CSMD1: variants seen among roughly 807,000 people sequenced by gnomAD.
CSMD1 encodes CUB and Sushi multiple domains 1.
In CSMD1, 213 loss-of-function variants were observed where a neutral mutation model predicts 417.5. The observed-to-expected ratio is 0.51, with a 90% CI of 0.46 to 0.57. The LOEUF (loss-of-function observed/expected upper bound fraction) is 0.57, where lower values mean the gene tolerates loss of function less well. Ranked by LOEUF, CSMD1 falls within the 20% of genes least tolerant of loss-of-function variation. CSMD1 has a pLI of 0.00. For missense variants in CSMD1, 6,923 were observed against 4,529.7 expected (o/e 1.53, Z -15.17); for synonymous variants, 2,862 against 1,736.8 (o/e 1.65, Z -16.11).
intron 1 of CSMD1, among the ~76,000 whole-genome samples, chr8:4,727,163 G>C (rs293876): frequency 0.41 from 62,367 of 151,874 alleles, 16,062 homozygotes; most frequent in African/African-American, 0.74. Context: ...TCAATCCACC[G>C]TAGGCCAGTA....
chr8:4,744,815 T>C, intron 1 of CSMD1, among the ~76,000 whole-genome samples: 1 of 151,990 alleles, frequency 6.6e-6, no homozygotes, highest in Non-Finnish European at 1.5e-5. Context: ...GTAAAAAACA[T>C]AAAACACCCA....
chr8:4,772,511 G>A (rs932972551), intron 1 of CSMD1, among the ~76,000 whole-genome samples: 5 of 152,126 alleles, frequency 3.3e-5, no homozygotes, highest in African/African-American at 9.7e-5. Context: ...ACAGGATCTG[G>A]TATTACAGCA....
chr8:4,303,817 G>A (rs147587245), intron 3 of CSMD1, among the ~76,000 whole-genome samples: 184 of 151,978 alleles, frequency 1.2e-3, no homozygotes, highest in African/African-American at 3.9e-3. Context: ...CACTCTCCCC[G>A]GCTAATTGTT....
intron 1 of CSMD1, among the ~76,000 whole-genome samples, chr8:4,993,427 G>C (rs1462777396): frequency 1.0e-5 from 1 of 100,432 alleles, no homozygotes; most frequent in African/African-American, 2.8e-5. Flanking sequence ...TCTCAAAAGG[G>C]AGCTTATGTT....
chr8:3,034,451 A>G (rs1585195722), intron 50 of CSMD1, among the ~76,000 whole-genome samples: 1 of 152,348 alleles, frequency 6.6e-6, no homozygotes, highest in East Asian at 1.9e-4. Context: ...AACTGGAAAT[A>G]GTTCAACTAA....
chr8:4,412,422 C>A (rs914757826), intron 3 of CSMD1, among the ~76,000 whole-genome samples: 3 of 152,174 alleles, frequency 2.0e-5, no homozygotes, highest in African/African-American at 7.2e-5. Context: ...TTGCCTTCTA[C>A]CATGATTGGA....
chr8:4,901,501 T>A (rs1290600579), intron 1 of CSMD1, among the ~76,000 whole-genome samples: 1 of 151,702 alleles, frequency 6.6e-6, no homozygotes, highest in Non-Finnish European at 1.5e-5. Context: ...TTTTTCCATC[T>A]TTGTGAGCTT....
At chr8:4,816,539 T>C (rs1382563683) in intron 1 of CSMD1, among the ~76,000 whole-genome samples, 1 of 152,126 alleles carries the variant, frequency 6.6e-6, no homozygotes, top group Non-Finnish European at 1.5e-5. Context: ...AATCACGGTT[T>C]CTTTCTCATT....
intron 3 of CSMD1, among the ~76,000 whole-genome samples, chr8:4,116,331 T>A (rs928424055): frequency 6.6e-6 from 1 of 152,148 alleles, no homozygotes; most frequent in Non-Finnish European, 1.5e-5. Flanking sequence ...CCACTCTGTA[T>A]GATACTATAA....
intron 3 of CSMD1, among the ~76,000 whole-genome samples, chr8:4,075,323 A>T (rs997694525): frequency 6.6e-6 from 1 of 152,180 alleles, no homozygotes; most frequent in Non-Finnish European, 1.5e-5. Context: ...AAATACCTTC[A>T]CCTAAGAGAA....
chr8:4,654,524 T>C (rs940740513), intron 1 of CSMD1, among the ~76,000 whole-genome samples: 2 of 152,076 alleles, frequency 1.3e-5, no homozygotes, highest in African/African-American at 4.8e-5. Flanking sequence ...CTTCTTACGT[T>C]TGCTGAGAGG....
At chr8:4,951,009 A>G (rs1466496733) in intron 1 of CSMD1, among the ~76,000 whole-genome samples, 1 of 152,192 alleles carries the variant, frequency 6.6e-6, no homozygotes, top group Non-Finnish European at 1.5e-5. Context: ...AAAAAAATTA[A>G]TAGAGAAGGG....
intron 2 of CSMD1, among the ~76,000 whole-genome samples, chr8:4,528,195 T>C (rs1013941030): frequency 5.3e-5 from 8 of 152,210 alleles, no homozygotes; most frequent in African/African-American, 1.9e-4. Context: ...GGTTCATGGC[T>C]GCTGTTTCCA....
intron 12 of CSMD1, among the ~76,000 whole-genome samples, chr8:3,462,376 C>G (rs112541790): frequency 0.024 from 3,712 of 152,258 alleles, 172 homozygotes; most frequent in African/African-American, 0.084. Flanking sequence ...CTGCTAGGAA[C>G]TGGGCCACAC....
chr8:3,907,956 G>A (rs1460338114), intron 5 of CSMD1, among the ~76,000 whole-genome samples: 1 of 152,050 alleles, frequency 6.6e-6, no homozygotes, highest in African/African-American at 2.4e-5. Flanking sequence ...GGGGGTGTGG[G>A]GAGAGTGGTA....
intron 55 of CSMD1, among the ~76,000 whole-genome samples, chr8:2,976,471 A>T (rs1193958601): frequency 6.6e-6 from 1 of 152,068 alleles, no homozygotes; most frequent in Admixed American, 6.6e-5. Flanking sequence ...TCAGCCTCCC[A>T]ATGTGCTGGG....
intron 5 of CSMD1, among the ~76,000 whole-genome samples, chr8:3,792,732 C>G (rs1296314056): frequency 6.6e-6 from 1 of 152,132 alleles, no homozygotes; most frequent in Admixed American, 6.5e-5. Flanking sequence ...GAGTTTCAAC[C>G]AGAATGCTCA....
At chr8:4,659,300 A>C (rs1434824732) in intron 1 of CSMD1, among the ~76,000 whole-genome samples, 1 of 152,172 alleles carries the variant, frequency 6.6e-6, no homozygotes, top group Non-Finnish European at 1.5e-5. Flanking sequence ...TATACAACTG[A>C]AGGAATTAGA....
rs1802257222 is a variant in CSMD1 at position 4,501,472 on chromosome 8, A to G, written c.303-81407T>C. Among the ~76,000 whole-genome samples, 2 of 152,214 alleles carry G rather than the reference A, an allele frequency of 1.3e-5. 1 individual carries two copies. Among genetic ancestry groups the G allele is most frequent in the South Asian group, 4.1e-4 (2 of 4,834 alleles). ...TTTCAAGAATACTTTTCTCATGTCA[A>G]CATAAACTCTCTTAAATGTTTCACG... is the stretch of plus-strand genomic sequence containing the variant. On this transcript the variant is annotated intron_variant, in intron 2 of 69. Coordinates refer to ENST00000635120, the MANE Select transcript of CSMD1 (RefSeq NM_033225.6).
Sources: gnomAD v4.1 joint callset for allele counts (sites outside exome capture counted in the v4.1 genomes callset) on GRCh38, gnomAD v4.1.1 for gene constraint, MANE v1.5 for transcripts, NCBI Gene and HGNC (gene_info 2026-07-23, HGNC 2026-07-21) for gene names.